FAM78A: variants seen among roughly 807,000 people sequenced by gnomAD.
FAM78A encodes family with sequence similarity 78 member A, also known as protein FAM78A.
Under a neutral mutation model 22.6 loss-of-function variants are expected in FAM78A, and 12 were observed. That is an observed-to-expected ratio of 0.53 (90% CI 0.34 to 0.86). The LOEUF is 0.86. Ranked by LOEUF, FAM78A falls within the 40% of genes least tolerant of loss-of-function variation. FAM78A has a pLI of 0.02. For synonymous variants in FAM78A, 151 were observed against 155.8 expected (o/e 0.97, Z 0.23); for missense variants, 322 against 396.1 (o/e 0.81, Z 1.59).
In FAM78A at chr9:131,265,210, G is replaced by A. The variant is rs7020679; in HGVS notation, c.324-3860C>T. Among the ~76,000 whole-genome samples, 15,154 of 152,072 alleles carry A rather than the reference G, an allele frequency of 0.1. 2,210 individuals carry two copies. The highest frequency in any genetic ancestry group is 0.32 in the African/African-American group (13,338 of 41,466). The stretch of plus-strand genomic sequence containing the variant: ...TTAGTAGTTGTCCTTGAAATTTTCC[G>A]ATTATTTTTAACTTAAAAGTCTAAA... On this transcript the variant is annotated intron_variant, in intron 1 of 1. Coordinates refer to ENST00000372271, the MANE Select transcript of FAM78A (RefSeq NM_033387.4). The surrounding 1 kb of genome is among the most constrained non-coding windows in gnomAD (Gnocchi z 4.3).
At chr9:131,264,950 T>G (rs185216176) in intron 1 of FAM78A, among the ~76,000 whole-genome samples, 97 of 152,284 alleles carry the variant, frequency 6.4e-4, no homozygotes, top group Non-Finnish European at 1.1e-3. Context: ...CTCAAACTCC[T>G]GACCTCAGGT....
At position 131,260,692 on chromosome 9, in the gene FAM78A, G is replaced by T; in HGVS notation, c.*130C>A. ...CGGGGAGGCCTTCCCGGGGGCATCA[G>T]CACAGTGAGATCCGCCCGCTGGAGA... On this transcript the variant is annotated 3_prime_UTR_variant, in exon 2 of 2. Transcript: ENST00000372271. The surrounding 1 kb of genome is among the most constrained non-coding windows in gnomAD (Gnocchi z 5.4). The T allele has an allele frequency of 8.2e-7, 1 of 1,212,666 alleles. No homozygotes were observed. The highest frequency in any genetic ancestry group is 1.1e-6 in the Non-Finnish European group (1 of 893,846). The allele number at this position is 1,212,666 out of a possible 1,614,324, so 75.1% of individuals were successfully genotyped here. A position where few individuals can be genotyped will look rare whatever the true frequency, so the allele number is the denominator to read the frequency against.
rs369013140 is a variant in FAM78A, at chr9:131,275,844, C to T, written c.323+13G>A. On this transcript the variant is annotated intron_variant, in intron 1 of 1. Coordinates refer to ENST00000372271, the MANE Select transcript of FAM78A (RefSeq NM_033387.4). This position sits in a 1 kb window ranked among gnomAD's most constrained non-coding sequence, Gnocchi z 4.6. Reference sequence around the variant, plus strand: ...CCTAGCAGTTCCCAGAGCTGGCTCTCGGCCGTACTCACATGCCCTGCTCGC... The same window carrying T: ...CCTAGCAGTTCCCAGAGCTGGCTCTTGGCCGTACTCACATGCCCTGCTCGC... 25 of 1,561,942 alleles carry T rather than the reference C, an allele frequency of 1.6e-5. No homozygotes were observed. In the African/African-American group the frequency reaches 3.0e-4, roughly 19 times the overall value.
chr9:131,259,622 G>A lies in FAM78A; in HGVS notation c.*1200C>T, dbSNP rs1002835205. ...GCCTGGGAGGGGCGCCCCTGAGAAC[G>A]AGCCCTGTCTTGGCCCTTTTACAGT... On this transcript the variant is annotated 3_prime_UTR_variant, in exon 2 of 2. Coordinates refer to ENST00000372271, the MANE Select transcript of FAM78A (RefSeq NM_033387.4). The A allele has an allele frequency of 2.0e-5, 3 of 152,490 alleles. No individual in the cohort carries two copies. The highest frequency in any genetic ancestry group is 4.4e-5 in the Non-Finnish European group (3 of 68,146). 9.4% of individuals were successfully genotyped at this position (152,490 alleles called of 1,614,324 possible). A position where few individuals can be genotyped will look rare whatever the true frequency, so the allele number is the denominator to read the frequency against.
At chr9:131,268,761 C>T (rs1835378601) in intron 1 of FAM78A, among the ~76,000 whole-genome samples, 1 of 152,046 alleles carries the variant, frequency 6.6e-6, no homozygotes, top group South Asian at 2.1e-4. Flanking sequence ...GGCATGGTGG[C>T]AGGTGCCTGT....
chr9:131,261,497 G>T lies in FAM78A; in HGVS notation c.324-147C>A. The T allele has an allele frequency of 1.5e-6, 1 of 665,088 alleles. No homozygotes were observed. Among genetic ancestry groups the T allele is most frequent in the Non-Finnish European group, 2.5e-6 (1 of 402,138 alleles). 41.2% of individuals were successfully genotyped at this position (665,088 alleles called of 1,614,324 possible). A position where few individuals can be genotyped will look rare whatever the true frequency, so the allele number is the denominator to read the frequency against. On this transcript the variant is annotated intron_variant, in intron 1 of 1. Transcript: ENST00000372271. This position sits in a 1 kb window ranked among gnomAD's most constrained non-coding sequence, Gnocchi z 7.1. ...TCCCCTTTGACGTTCTGGGGGCAGG[G>T]GGTCAGACAGTAGCTCGGAGTCACT...
At position 131,275,557 on chromosome 9, in the gene FAM78A, G is replaced by A. The variant is rs757508344; in HGVS notation, c.323+300C>T. 6.6e-6 allele frequency among the ~76,000 whole-genome samples: 1 copy of A among 152,220 alleles called. No individual in the cohort carries two copies. The highest frequency in any genetic ancestry group is 6.5e-5 in the Admixed American group (1 of 15,292). ...GCGGACGGCACACTTGCTCTGCCAG[G>A]AAACACTGGGAGTAATGTCTCTCTG... On this transcript the variant is annotated intron_variant, in intron 1 of 1. Coordinates refer to ENST00000372271, the MANE Select transcript of FAM78A (RefSeq NM_033387.4). This position sits in a 1 kb window ranked among gnomAD's most constrained non-coding sequence, Gnocchi z 4.6.
upstream of FAM78A, among the ~76,000 whole-genome samples, chr9:131,277,965 G>A (rs1417966395): frequency 2.7e-5 from 4 of 146,316 alleles, no homozygotes; most frequent in South Asian, 6.3e-4. The surrounding 1 kb of genome is among the most constrained non-coding windows in gnomAD (Gnocchi z 8.4). Flanking sequence ...TCCGCTCGCC[G>A]CCGCCGCCGG....
At position 131,265,575 on chromosome 9, in the gene FAM78A, C is replaced by T. The variant is rs557626866; in HGVS notation, c.324-4225G>A. Among the ~76,000 whole-genome samples, 1 of 151,818 alleles carries T rather than the reference C, an allele frequency of 6.6e-6. No individual in the cohort carries two copies. Among genetic ancestry groups the T allele is most frequent in the Non-Finnish European group, 1.5e-5 (1 of 67,914 alleles). On this transcript the variant is annotated intron_variant, in intron 1 of 1. Coordinates refer to ENST00000372271, the MANE Select transcript of FAM78A (RefSeq NM_033387.4). This position sits in a 1 kb window ranked among gnomAD's most constrained non-coding sequence, Gnocchi z 4.3. Reference sequence around the variant, plus strand: ...AATTTTTATATTTTTTTAGTAGAGACGGAGTTTCACCATGTTGGCCAGGCT... The same window carrying T: ...AATTTTTATATTTTTTTAGTAGAGATGGAGTTTCACCATGTTGGCCAGGCT...
In FAM78A at chr9:131,274,614, A is replaced by G. The variant is rs1835459943; in HGVS notation, c.323+1243T>C. ...GGACTTAAGGGTTACTGTGATCCTC[A>G]TGTTTCCTTTAGAACTTTGGAGTCA... On this transcript the variant is annotated intron_variant, in intron 1 of 1. Coordinates refer to ENST00000372271, the MANE Select transcript of FAM78A (RefSeq NM_033387.4). This position sits in a 1 kb window ranked among gnomAD's most constrained non-coding sequence, Gnocchi z 4.2. 6.6e-6 allele frequency among the ~76,000 whole-genome samples: 1 copy of G among 152,154 alleles called. No homozygotes were observed. The highest frequency in any genetic ancestry group is 2.4e-5 in the African/African-American group (1 of 41,438).
upstream of FAM78A, among the ~76,000 whole-genome samples, chr9:131,277,455 G>A (rs1835500667): frequency 6.6e-6 from 1 of 151,980 alleles, no homozygotes; most frequent in African/African-American, 2.4e-5. The surrounding 1 kb of genome is among the most constrained non-coding windows in gnomAD (Gnocchi z 8.4). Flanking sequence ...CTCCAGCCGC[G>A]AGCAGCCCCG....
chr9:131,268,866 C>T (rs1835380454), intron 1 of FAM78A, among the ~76,000 whole-genome samples: 1 of 148,392 alleles, frequency 6.7e-6, no homozygotes, highest in African/African-American at 2.5e-5. Context: ...GCACTCCAGC[C>T]TGGGCGACAG....
chr9:131,278,101 C>T (rs1291244029), upstream of FAM78A, among the ~76,000 whole-genome samples: 1 of 150,196 alleles, frequency 6.7e-6, no homozygotes, highest in Non-Finnish European at 1.5e-5. Context: ...CCTGGCTCTC[C>T]ACCCTCGCTC....
Position 131,259,016 on chromosome 9 carries a change from T to G in FAM78A, c.*1806A>C, listed in dbSNP as rs1835225170. On this transcript the variant is annotated 3_prime_UTR_variant, in exon 2 of 2. Transcript: ENST00000372271. ...CCCCTTGAATAAACGCAATAGCCCGTGGACAAAGGAGCAGGGCAGGGACTT... is the reference window on the plus strand; with the variant it reads ...CCCCTTGAATAAACGCAATAGCCCGGGGACAAAGGAGCAGGGCAGGGACTT... The G allele has an allele frequency of 1.3e-5, 2 of 152,668 alleles. No individual in the cohort carries two copies. Among genetic ancestry groups the G allele is most frequent in the African/African-American group, 4.8e-5 (2 of 41,458 alleles). 9.5% of individuals were successfully genotyped at this position (152,668 alleles called of 1,614,324 possible).
upstream of FAM78A, among the ~76,000 whole-genome samples, chr9:131,277,647 G>T (rs1197041532): frequency 1.3e-5 from 2 of 151,524 alleles, no homozygotes; most frequent in African/African-American, 4.8e-5. The surrounding 1 kb of genome is among the most constrained non-coding windows in gnomAD (Gnocchi z 8.4). Flanking sequence ...CCCTTCCCCG[G>T]GCACTGTCCC....
At chr9:131,277,602 C>T (rs1487738679), upstream of FAM78A, among the ~76,000 whole-genome samples, 2 of 151,880 alleles carry the variant, frequency 1.3e-5, no homozygotes, top group South Asian at 2.1e-4. The surrounding 1 kb of genome is among the most constrained non-coding windows in gnomAD (Gnocchi z 8.4). Context: ...ACGCCCCTGA[C>T]CCGGCCGCGG....
chr9:131,263,126 C>A (rs1262279584), intron 1 of FAM78A, among the ~76,000 whole-genome samples: 1 of 151,612 alleles, frequency 6.6e-6, no homozygotes, highest in African/African-American at 2.4e-5. Context: ...GTAATCACAG[C>A]TACTCAGGAG....
At chr9:131,278,642 T>C (rs1269397389), upstream of FAM78A, among the ~76,000 whole-genome samples, 1 of 152,158 alleles carries the variant, frequency 6.6e-6, no homozygotes, top group Non-Finnish European at 1.5e-5. Flanking sequence ...CCCAAGGTCC[T>C]TCCCCCCGTC....
At chr9:131,270,912 G>GCCC (rs1835413117) in intron 1 of FAM78A, among the ~76,000 whole-genome samples, 1 of 151,938 alleles carries the variant, frequency 6.6e-6, no homozygotes, top group Non-Finnish European at 1.5e-5. Flanking sequence ...GTGGGAAGGC[G>GCCC]CCCGAGGCAG....
Sources: allele counts gnomAD v4.1 joint callset (sites outside exome capture counted in the v4.1 genomes callset), GRCh38; gene constraint gnomAD v4.1.1; non-coding constraint Gnocchi (gnomAD v3.1); transcripts MANE v1.5; gene names NCBI Gene and HGNC (gene_info 2026-07-23, HGNC 2026-07-21).